PLXNB3: variants seen among roughly 807,000 people sequenced by gnomAD.
The protein encoded by PLXNB3 is plexin-B3.
PLXNB3 carries 80 observed loss-of-function variants against 125.7 expected under a neutral mutation model. The observed-to-expected ratio is 0.64, with a 90% CI of 0.53 to 0.77. The LOEUF is 0.77. PLXNB3 is among the 30% of genes least tolerant of loss of function. The pLI is 0.00. For missense variants in PLXNB3, 1,836 were observed against 1,729.3 expected, an observed-to-expected ratio of 1.06 and a Z score of -1.09; for synonymous variants, 954 against 783.3, an observed-to-expected ratio of 1.22 and a Z score of -3.64.
chrX:153,765,733 C>T (rs1298572966), intron 2 of PLXNB3, 153 bp downstream of exon 2: 23 of 753,399 alleles, frequency 3.1e-5, no homozygotes, highest in Non-Finnish European at 3.4e-5. Context: ...AGTGTCCGTG[C>T]TCTTCCTGCC....
At chrX:153,777,736 T>A in intron 31 of PLXNB3, 48 bp downstream of exon 31, 1 of 1,170,256 alleles carries the variant, frequency 8.5e-7, no homozygotes. Context: ...GTCCACTGAG[T>A]CCCAGAGAGA....
chrX:153,775,760 G>A (rs2091979015), intron 26 of PLXNB3, 100 bp downstream of exon 26: 4 of 1,087,108 alleles, frequency 3.7e-6, no homozygotes, highest in Non-Finnish European at 3.8e-6. Context: ...ACGAAGGCCC[G>A]GCAAGGGGGG....
At chrX:153,775,705 T>C (rs1456172807) in intron 26 of PLXNB3, 45 bp downstream of exon 26, 1 of 1,154,313 alleles carries the variant, frequency 8.7e-7, no homozygotes, top group Admixed American at 2.2e-5. Context: ...AGTGGCAGAC[T>C]CCTCCCCTCT....
chrX:153,765,731 T>G, intron 2 of PLXNB3, 151 bp downstream of exon 2: 1 of 1,128,877 alleles, frequency 8.9e-7, no homozygotes, highest in Non-Finnish European at 1.2e-6. Flanking sequence ...GAAGTGTCCG[T>G]GCTCTTCCTG....
At chrX:153,768,143 G>A in intron 3 of PLXNB3, 106 bp from the exon 4 acceptor site, 1 of 912,610 alleles carries the variant, frequency 1.1e-6, no homozygotes, top group Non-Finnish European at 1.5e-6. Context: ...GGGCCTTGGG[G>A]TCATCCCAGG....
At position 153,777,046 on chromosome X, in the gene PLXNB3, T is replaced by C. The variant is rs782574654; in HGVS notation, c.4927+66T>C. ...GCTGGGCAGGCAGAACTCCTGGCCA[T>C]GCATCTGCCTCAACTTCATCCCCCA... is the stretch of plus-strand genomic sequence containing the variant. On this transcript the variant is annotated intron_variant, in intron 29 of 35. Transcript: ENST00000361971. The C allele has an allele frequency of 1.8e-3, 1,784 of 976,638 alleles. 1 individual carries two copies. The highest frequency in any genetic ancestry group is 2.4e-3 in the Non-Finnish European group (1,726 of 710,152). The allele number at this position is 976,638 out of a possible 1,213,427, so 80.5% of individuals were successfully genotyped here. A position where few individuals can be genotyped will look rare whatever the true frequency, so the allele number is the denominator to read the frequency against.
intron 16 of PLXNB3, chrX:153,772,570 G>A: frequency 3.3e-6 from 2 of 601,514 alleles, no homozygotes; most frequent in East Asian, 4.2e-5. Context: ...GCCCAAAGAG[G>A]CAACTGGATT....
chrX:153,777,298 G>A lies in PLXNB3; in HGVS notation c.5018G>A (p.Arg1673Gln), dbSNP rs782348820. The change falls in exon 30 of 36, where the codon CGG becomes CAG. Residue 1673 changes from arginine to glutamine, a missense_variant. Coordinates refer to ENST00000361971, the MANE Select transcript of PLXNB3 (RefSeq NM_005393.3). ...ATEEPEGAKV[R>Q]CSSLREREPA... ...GAGGAGCCAGAAGGGGCCAAGGTGC[G>A]GTGCAGCAGCCTGCGGGAGCGCGAG... The A allele has an allele frequency of 1.0e-5, 12 of 1,204,026 alleles. No individual in the cohort carries two copies. The highest frequency in any genetic ancestry group is 2.3e-4 in the Middle Eastern group (1 of 4,346).
chrX:153,778,664 A>G lies in PLXNB3; in HGVS notation c.5615A>G (p.Tyr1872Cys), dbSNP rs1557065436. ...GAACTCTACAACCACATCCACAGGT[A>G]CTATGATCAGGTGAGGCCCAGGGCA... ...LQELYNHIHR[Y>C]YDQIISALEE... is the part of the protein sequence containing the mutation. Residue 1872 changes from tyrosine (Y) to cysteine (C), a missense_variant, in exon 35 of 36, where the codon TAC (tyrosine) becomes TGC (cysteine). Transcript: ENST00000361971. The G allele has an allele frequency of 8.3e-7, 1 of 1,202,102 alleles. No homozygotes were observed. Among genetic ancestry groups the G allele is most frequent in the African/African-American group, 1.7e-5 (1 of 57,880 alleles).
Position 153,767,715 on chromosome X carries a change from G to A in PLXNB3, c.888G>A (p.Pro296=), listed in dbSNP as rs782002305. 21 of 1,177,663 alleles carry A rather than the reference G, an allele frequency of 1.8e-5. No individual in the cohort carries two copies. Among genetic ancestry groups the A allele is most frequent in the East Asian group, 3.2e-5 (1 of 31,522 alleles). The stretch of plus-strand genomic sequence containing the variant: ...TCATCCAGGCCGCCTTCCTTGCCCC[G>A]GGCACCTTGCTAGGGGTGTTTGCCG... ...QGLIQAAFLA[P]GTLLGVFAAG... is the part of the protein sequence containing the mutation. The change falls in exon 3 of 36, where the codon CCG becomes CCA. Residue 296 remains proline, a synonymous_variant. Transcript: ENST00000361971.
chrX:153,766,730 T>A, intron 2 of PLXNB3, 143 bp from the exon 3 acceptor site: 2 of 1,043,134 alleles, frequency 1.9e-6, no homozygotes, highest in Non-Finnish European at 2.5e-6. Context: ...TTGTCTCCGC[T>A]CACTCTCTCT....
At chrX:153,768,816 T>G in intron 4 of PLXNB3, 132 bp from the exon 5 acceptor site, 1 of 731,110 alleles carries the variant, frequency 1.4e-6, no homozygotes, top group Non-Finnish European at 2.0e-6. Flanking sequence ...GGAAGTGATG[T>G]GTCCTCCCTC....
rs376853068 is a variant in PLXNB3 at position 153,768,381 on chromosome X, G to A, written c.1219G>A (p.Gly407Arg). 2 of 1,208,863 alleles carry A rather than the reference G, an allele frequency of 1.7e-6. No homozygotes were observed. Among genetic ancestry groups the A allele is most frequent in the Non-Finnish European group, 2.2e-6 (2 of 894,076 alleles). ...VSAVAALQADGHMIAFLGDTQ... is the reference protein window; with the variant it reads ...VSAVAALQADRHMIAFLGDTQ... ...CGCCGTGGCAGCTCTCCAGGCAGAT[G>A]GGCACATGATAGCCTTCCTGGGGGA... Residue 407 changes from glycine to arginine, a missense_variant, in exon 4 of 36, where the codon GGG becomes AGG. By Grantham distance (125) the Gly-to-Arg change is moderately radical. Transcript: ENST00000361971.
Position 153,777,627 on chromosome X carries a change from G to A in PLXNB3, c.5200G>A (p.Glu1734Lys), listed in dbSNP as rs1557064940. ...CAAGTACCTGTTTGACCTTCTGGAT[G>A]AGCTAGCAGAGAAGCACGGCATCGA... ...AVKYLFDLLD[E>K]LAEKHGIEDP... Residue 1734 changes from glutamate (E) to lysine (K), a missense_variant, in exon 31 of 36, where the codon GAG becomes AAG. Glu to Lys is a moderately conservative substitution (Grantham distance 56). Coordinates refer to ENST00000361971, the MANE Select transcript of PLXNB3 (RefSeq NM_005393.3). The A allele has an allele frequency of 8.3e-7, 1 of 1,211,877 alleles. No individual in the cohort carries two copies. The highest frequency in any genetic ancestry group is 1.1e-6 in the Non-Finnish European group (1 of 895,432).
chrX:153,773,920 C>G lies in PLXNB3; in HGVS notation c.3341C>G (p.Pro1114Arg), dbSNP rs2148426372. ...SLLLCRSPAV[P>R]DRAHPQRVFF... is the part of the protein sequence containing the mutation. Reference sequence around the variant, plus strand: ...CTCCTGTGCCGGAGCCCTGCTGTACCAGACAGAGCCCACCCGCAGCGGGTC... The same window carrying G: ...CTCCTGTGCCGGAGCCCTGCTGTACGAGACAGAGCCCACCCGCAGCGGGTC... The change falls in exon 20 of 36, where the codon CCA (proline) becomes CGA (arginine). Residue 1114 changes from proline (P) to arginine (R), a missense_variant. Pro to Arg is a moderately radical substitution (Grantham distance 103). Coordinates refer to ENST00000361971, the MANE Select transcript of PLXNB3 (RefSeq NM_005393.3). 1 of 1,211,194 alleles carries G rather than the reference C, an allele frequency of 8.3e-7. No individual in the cohort carries two copies. The highest frequency in any genetic ancestry group is 1.1e-6 in the Non-Finnish European group (1 of 895,311).
chrX:153,767,583 G>T lies in PLXNB3; in HGVS notation c.756G>T (p.Gly252=). ...RSAYFVFRRR[G]ARAQAEYRSY... ...CCTACTTCGTGTTCCGCCGCCGCGG[G>T]GCCCGGGCCCAGGCTGAGTACCGCT... The change falls in exon 3 of 36, where the codon GGG becomes GGT. Residue 252 remains glycine (G), a synonymous_variant. Coordinates refer to ENST00000361971, the MANE Select transcript of PLXNB3 (RefSeq NM_005393.3). The T allele has an allele frequency of 8.5e-7, 1 of 1,173,786 alleles. No homozygotes were observed. Among genetic ancestry groups the T allele is most frequent in the Non-Finnish European group, 1.1e-6 (1 of 876,630 alleles).
At chrX:153,772,083 G>T (rs1603246450) in intron 15 of PLXNB3, 68 bp downstream of exon 15, 1 of 1,153,028 alleles carries the variant, frequency 8.7e-7, no homozygotes, top group Non-Finnish European at 1.2e-6. Context: ...GATAAGGAAG[G>T]CCTGTGGCCA....
rs188069097 is a variant in PLXNB3, at chrX:153,774,921, G to A, written c.3973G>A (p.Gly1325Ser). The A allele has an allele frequency of 1.3e-5, 16 of 1,189,481 alleles. No homozygotes were observed. Among genetic ancestry groups the A allele is most frequent in the Non-Finnish European group, 1.8e-5 (16 of 882,978 alleles). Residue 1325 changes from glycine to serine, a missense_variant, in exon 24 of 36, where the codon GGC (glycine) becomes AGC (serine). Physicochemically the swap from Gly to Ser is moderately conservative, Grantham distance 56. Coordinates refer to ENST00000361971, the MANE Select transcript of PLXNB3 (RefSeq NM_005393.3). ...EMTDLSSDLE[G>S]SGIPFLDYRT... is the part of the protein sequence containing the mutation. ...GACCGACCTCAGCAGCGACCTGGAG[G>A]GCAGCGGGATCCCCTTCCTGGACTA...
In PLXNB3 at chrX:153,770,393, C is replaced by G; in HGVS notation, c.1842C>G (p.Thr614=). The G allele has an allele frequency of 1.7e-6, 2 of 1,211,144 alleles. No individual in the cohort carries two copies. The highest frequency in any genetic ancestry group is 2.2e-6 in the Non-Finnish European group (2 of 895,233). ...TCGAGGACGTGACTGTGGCTGCCAC[C>G]AACTTCTCCTTTTATGACTGCAGTG... is the stretch of plus-strand genomic sequence containing the variant. ...LMFEDVTVAA[T]NFSFYDCSAV... The change falls in exon 9 of 36, where the codon ACC becomes ACG. Residue 614 remains threonine (T), a synonymous_variant. Transcript: ENST00000361971.
Sources: gnomAD v4.1 joint callset for allele counts on GRCh38, gnomAD v4.1.1 for gene constraint, MANE v1.5 for transcripts, NCBI Gene and HGNC (gene_info 2026-07-23, HGNC 2026-07-21) for gene names.